The following JAM2 variants were observed in gnomAD, a reference collection of about 807,000 sequenced individuals.
JAM2 encodes junctional adhesion molecule B.
In JAM2, 17 loss-of-function variants were observed where a neutral mutation model predicts 42.0. The ratio of observed to expected loss-of-function variants is 0.40; its 90% CI spans 0.28 to 0.61. The LOEUF is 0.61. JAM2 is among the 20% of genes least tolerant of loss of function. The pLI is 0.37. For synonymous variants in JAM2, 118 were observed against 128.6 expected, an observed-to-expected ratio of 0.92 and a Z score of 0.56; for missense variants, 319 against 358.3, an observed-to-expected ratio of 0.89 and a Z score of 0.89.
At chr21:25,675,486 A>G (rs2033462682) in intron 1 of JAM2, among the ~76,000 whole-genome samples, 1 of 151,372 alleles carries the variant, frequency 6.6e-6, no homozygotes. Context: ...ACAGAGGGAA[A>G]CTCTGTCTCA....
intron 1 of JAM2, among the ~76,000 whole-genome samples, chr21:25,651,109 A>G (rs965383551): frequency 2.6e-5 from 4 of 151,520 alleles, no homozygotes; most frequent in Non-Finnish European, 5.9e-5. Context: ...TTCTTCTGTA[A>G]ACTGGACTAT....
chr21:25,673,217 A>G (rs1362332013), intron 1 of JAM2, among the ~76,000 whole-genome samples: 1 of 152,118 alleles, frequency 6.6e-6, no homozygotes, highest in Non-Finnish European at 1.5e-5. Flanking sequence ...TTTTTTTGAA[A>G]TTTTTGGGAA....
chr21:25,712,179 A>G, intron 8 of JAM2, 161 bp from the exon 9 acceptor site: 1 of 660,146 alleles, frequency 1.5e-6, no homozygotes, highest in South Asian at 1.6e-5. Context: ...TTGTCTGTAA[A>G]TATAAGAAAT....
intron 8 of JAM2, chr21:25,711,976 C>T (rs545475839): frequency 3.2e-5 from 7 of 216,842 alleles, no homozygotes; most frequent in East Asian, 1.4e-4. Flanking sequence ...ACTTTTTCCA[C>T]GGAAAAATAA....
chr21:25,680,790 G>GAC (rs374883037), intron 1 of JAM2, among the ~76,000 whole-genome samples: 11 of 151,706 alleles, frequency 7.3e-5, no homozygotes, highest in African/African-American at 2.4e-4. Flanking sequence ...ATGGATGGAT[G>GAC]GATGACGATC....
At chr21:25,712,422 T>G (rs557944194) in intron 9 of JAM2, 40 bp downstream of exon 9, 2 of 1,392,292 alleles carry the variant, frequency 1.4e-6, no homozygotes, top group East Asian at 4.6e-5. Flanking sequence ...TGAATATGTT[T>G]GGGGAATAGG....
intron 5 of JAM2, among the ~76,000 whole-genome samples, chr21:25,699,770 T>G (rs1011231339): frequency 3.4e-5 from 5 of 149,222 alleles, no homozygotes; most frequent in African/African-American, 9.9e-5. Context: ...TGCTGCCTTC[T>G]TAAGTAACAG....
intron 1 of JAM2, among the ~76,000 whole-genome samples, chr21:25,674,104 G>T (rs371187822): frequency 2.6e-5 from 4 of 152,080 alleles, no homozygotes; most frequent in African/African-American, 9.7e-5. Flanking sequence ...TATAAGTTAC[G>T]CAGTCTTGGC....
intron 6 of JAM2, among the ~76,000 whole-genome samples, chr21:25,704,266 T>C (rs1568918196): frequency 1.3e-5 from 2 of 152,160 alleles, no homozygotes; most frequent in Non-Finnish European, 2.9e-5. Flanking sequence ...CTGAATCTTA[T>C]TGACCTCTCA....
At chr21:25,696,012 G>A (rs1452447626) in intron 4 of JAM2, among the ~76,000 whole-genome samples, 2 of 151,010 alleles carry the variant, frequency 1.3e-5, no homozygotes, top group African/African-American at 2.4e-5. Context: ...CTGCAATCTC[G>A]GCACTTTGGG....
intron 1 of JAM2, among the ~76,000 whole-genome samples, chr21:25,656,272 G>T (rs113438174): frequency 0.015 from 2,336 of 152,244 alleles, 47 homozygotes; most frequent in African/African-American, 0.053. Flanking sequence ...AGGTCCTCTT[G>T]TCCACCCCCA....
chr21:25,656,893 G>T lies in JAM2; in HGVS notation c.67+17005G>T, dbSNP rs577261273. ...TGGCCACAAGTTACCAAAATTTGCTGAGTAATGATGAGACCAATCAAGACC... is the reference window on the plus strand; with the variant it reads ...TGGCCACAAGTTACCAAAATTTGCTTAGTAATGATGAGACCAATCAAGACC... On this transcript the variant is annotated intron_variant, in intron 1 of 9. Transcript: ENST00000480456. 7.2e-5 allele frequency among the ~76,000 whole-genome samples: 11 copies of T among 152,294 alleles called. No homozygotes were observed. In the South Asian group the frequency reaches 2.1e-3, roughly 29 times the overall value.
intron 5 of JAM2, among the ~76,000 whole-genome samples, chr21:25,701,560 A>T (rs2034166116): frequency 6.6e-6 from 1 of 152,048 alleles, no homozygotes; most frequent in Non-Finnish European, 1.5e-5. Context: ...TATCAATCTT[A>T]GCTTTTGGTT....
At chr21:25,688,235 C>T (rs1410480882) in intron 2 of JAM2, among the ~76,000 whole-genome samples, 1 of 133,884 alleles carries the variant, frequency 7.5e-6, no homozygotes, top group African/African-American at 2.7e-5. Context: ...GAAGAATTCA[C>T]CAGGAGGGGT....
chr21:25,714,170 G>C, intron 9 of JAM2: 1 of 1,301,704 alleles, frequency 7.7e-7, no homozygotes, highest in South Asian at 1.2e-5. Context: ...TGTCTGCTAG[G>C]AGTTAGTTAG....
At chr21:25,655,937 A>G (rs1238298078) in intron 1 of JAM2, among the ~76,000 whole-genome samples, 1 of 150,708 alleles carries the variant, frequency 6.6e-6, no homozygotes, top group Non-Finnish European at 1.5e-5. Flanking sequence ...AATGCCTTTT[A>G]AAAAAAGAGA....
intron 1 of JAM2, chr21:25,643,796 A>G (rs531884238): frequency 6.6e-6 from 1 of 152,248 alleles, no homozygotes; most frequent in Non-Finnish European, 1.5e-5. Context: ...GACTGAAAAC[A>G]CTCATTTATC....
rs375286770 is a variant in JAM2, at chr21:25,663,255, C to A, written c.68-20628C>A. On this transcript the variant is annotated intron_variant, in intron 1 of 9. Transcript: ENST00000480456. ...TGTTCCGAAAGGCCATTTGAAGGAACCTGGAATTCATCTTGAAGGTAACAG... is the reference window on the plus strand; with the variant it reads ...TGTTCCGAAAGGCCATTTGAAGGAAACTGGAATTCATCTTGAAGGTAACAG... Among the ~76,000 whole-genome samples the A allele has an allele frequency of 5.3e-5, 8 of 152,174 alleles. 1 individual carries two copies. The highest frequency in any genetic ancestry group is 1.4e-4 in the African/African-American group (6 of 41,524).
At chr21:25,699,722 C>CAAAAAAAA (rs59490509) in intron 5 of JAM2, among the ~76,000 whole-genome samples, 3 of 41,922 alleles carry the variant, frequency 7.2e-5, no homozygotes, top group Admixed American at 4.1e-4. Flanking sequence ...GGCTCCGTCT[C>CAAAAAAAA]AAAAAAAAAA....
Sources: allele counts gnomAD v4.1 joint callset (sites outside exome capture counted in the v4.1 genomes callset), GRCh38; gene constraint gnomAD v4.1.1; transcripts MANE v1.5; gene names NCBI Gene and HGNC (gene_info 2026-07-23, HGNC 2026-07-21).